The following CABCOCO1 variants were observed in gnomAD, a reference collection of about 807,000 sequenced individuals.
The protein encoded by CABCOCO1 is ciliary associated calcium binding coiled-coil 1.
Under a neutral mutation model 35.7 loss-of-function variants are expected in CABCOCO1, and 28 were observed. The ratio of observed to expected loss-of-function variants is 0.78; its 90% confidence interval spans 0.58 to 1.07. The LOEUF is 1.07. CABCOCO1 is among the 50% of genes least tolerant of loss of function. The pLI, the probability that CABCOCO1 is intolerant of heterozygous loss-of-function variation, is 0.00. For synonymous variants in CABCOCO1, 95 were observed against 100.1 expected, an observed-to-expected ratio of 0.95 and a Z score of 0.30; for missense variants, 326 against 309.2, an observed-to-expected ratio of 1.05 and a Z score of -0.41.
chr10:61,743,677 T>C (rs1296663903), intron 5 of CABCOCO1, among the ~76,000 whole-genome samples: 1 of 152,136 alleles, frequency 6.6e-6, no homozygotes, highest in Non-Finnish European at 1.5e-5. Context: ...ACACACATCT[T>C]TTGTTCTAGA....
intron 1 of CABCOCO1, among the ~76,000 whole-genome samples, chr10:61,663,626 TG>T (rs1183667721): frequency 1.3e-5 from 2 of 152,174 alleles, no homozygotes; most frequent in African/African-American, 2.4e-5. Context: ...TCTCTGGTTA[TG>T]GCTTTAGTTG....
At chr10:61,703,227 GACACACAC>G (rs35152499) in intron 5 of CABCOCO1, among the ~76,000 whole-genome samples, 113 of 141,576 alleles carry the variant, frequency 8.0e-4, no homozygotes, top group Middle Eastern at 3.5e-3. Context: ...CTTGTGAGGA[GACACACAC>G]ACACACACAC....
At chr10:61,676,785 G>A (rs1195324200) in intron 2 of CABCOCO1, among the ~76,000 whole-genome samples, 1 of 151,836 alleles carries the variant, frequency 6.6e-6, no homozygotes, top group African/African-American at 2.4e-5. Context: ...TTTTCAGCCG[G>A]GCGTGGTGGC....
chr10:61,706,481 G>T (rs867465434), intron 5 of CABCOCO1, among the ~76,000 whole-genome samples: 1 of 152,150 alleles, frequency 6.6e-6, no homozygotes, highest in African/African-American at 2.4e-5. Flanking sequence ...TTCACAAAAT[G>T]AATGCAGTCA....
At chr10:61,743,796 T>C (rs1841599773) in intron 5 of CABCOCO1, among the ~76,000 whole-genome samples, 1 of 152,156 alleles carries the variant, frequency 6.6e-6, no homozygotes, top group Non-Finnish European at 1.5e-5. Flanking sequence ...AACTCCTATT[T>C]CTCCTTTGAG....
At position 61,698,835 on chromosome 10, in the gene CABCOCO1, G is replaced by A. The variant is rs181126075; in HGVS notation, c.552+8214G>A. ...TGAATAAACAAAATATGAGACTTAC[G>A]TAAACATTCACCCTTTTAAGAAAAA... On this transcript the variant is annotated intron_variant, in intron 5 of 7. Transcript: ENST00000648843. 4.6e-5 allele frequency among the ~76,000 whole-genome samples: 7 copies of A among 151,850 alleles called. No individual in the cohort carries two copies. In the East Asian group the frequency reaches 7.7e-4, roughly 17 times the overall value.
chr10:61,738,354 G>A (rs1036848811), intron 5 of CABCOCO1, among the ~76,000 whole-genome samples: 2 of 152,144 alleles, frequency 1.3e-5, no homozygotes, highest in Admixed American at 6.6e-5. Context: ...GCTTGGTACT[G>A]TCTATTTCTG....
intron 5 of CABCOCO1, among the ~76,000 whole-genome samples, chr10:61,698,222 T>A (rs10994882): frequency 0.83 from 126,506 of 152,162 alleles, 53,099 homozygotes; most frequent in Middle Eastern, 0.95. Flanking sequence ...ACAAAATGTG[T>A]TAGATAGGTA....
intron 5 of CABCOCO1, among the ~76,000 whole-genome samples, chr10:61,699,078 A>G (rs1840370843): frequency 6.6e-6 from 1 of 152,148 alleles, no homozygotes; most frequent in African/African-American, 2.4e-5. Flanking sequence ...AAGATCATAC[A>G]GGCCATAATT....
intron 5 of CABCOCO1, among the ~76,000 whole-genome samples, chr10:61,703,862 C>T (rs1334283887): frequency 1.3e-5 from 2 of 152,266 alleles, no homozygotes; most frequent in Middle Eastern, 3.4e-3. Flanking sequence ...AAAGATGATA[C>T]ATAGGGCATC....
chr10:61,669,569 C>G (rs1383625426), intron 1 of CABCOCO1, among the ~76,000 whole-genome samples: 1 of 151,752 alleles, frequency 6.6e-6, no homozygotes, highest in Admixed American at 6.6e-5. Context: ...ACTGTATAAA[C>G]AAACAAAAAA....
chr10:61,697,258 G>A (rs1166740017), intron 5 of CABCOCO1, among the ~76,000 whole-genome samples: 1 of 151,946 alleles, frequency 6.6e-6, no homozygotes, highest in Admixed American at 6.6e-5. Context: ...AAATCAGAAG[G>A]GAAATACTTT....
intron 5 of CABCOCO1, among the ~76,000 whole-genome samples, chr10:61,697,475 AG>A (rs1434151452): frequency 6.6e-6 from 1 of 152,128 alleles, no homozygotes; most frequent in Non-Finnish European, 1.5e-5. Context: ...TATTTTTAAA[AG>A]TAAATAAACA....
intron 1 of CABCOCO1, among the ~76,000 whole-genome samples, chr10:61,669,628 A>G (rs1839298295): frequency 6.6e-6 from 1 of 152,108 alleles, no homozygotes; most frequent in Non-Finnish European, 1.5e-5. Flanking sequence ...AAACAGAAGA[A>G]AAAATCCAGA....
chr10:61,719,863 G>T lies in CABCOCO1; in HGVS notation c.552+29242G>T, dbSNP rs183705108. 2.8e-5 allele frequency among the ~76,000 whole-genome samples: 4 copies of T among 144,296 alleles called. No individual in the cohort carries two copies. In the East Asian group the frequency reaches 8.1e-4, roughly 29 times the overall value. The allele number at this position is 144,296 out of a possible 152,430, so 94.7% of individuals were successfully genotyped here. On this transcript the variant is annotated intron_variant, in intron 5 of 7. Coordinates refer to ENST00000648843, the MANE Select transcript of CABCOCO1 (RefSeq NM_001366906.2). ...TTGAACTCAGGAGTCAGAGGTTTCA[G>T]TGAGCTGAGATCACACCACTGCACT...
chr10:61,671,460 A>C (rs35142132), intron 1 of CABCOCO1, among the ~76,000 whole-genome samples: 6 of 152,132 alleles, frequency 3.9e-5, no homozygotes, highest in Non-Finnish European at 5.9e-5. Context: ...CTGTGTCAGC[A>C]TTAGGGAAAT....
chr10:61,729,558 T>A (rs1241822538), intron 5 of CABCOCO1, among the ~76,000 whole-genome samples: 1 of 151,986 alleles, frequency 6.6e-6, no homozygotes, highest in Admixed American at 6.6e-5. Flanking sequence ...AGTATGGAGG[T>A]TCCTCAGAAA....
chr10:61,703,723 T>TCA (rs151225441), intron 5 of CABCOCO1, among the ~76,000 whole-genome samples: 14,542 of 148,974 alleles, frequency 0.098, 853 homozygotes, highest in Middle Eastern at 0.18. Flanking sequence ...TCTCTCTCTC[T>TCA]CACACACACA....
intron 5 of CABCOCO1, among the ~76,000 whole-genome samples, chr10:61,712,594 A>C (rs1018409762): frequency 5.3e-5 from 8 of 152,160 alleles, no homozygotes; most frequent in African/African-American, 1.9e-4. Context: ...CTATGTCCTG[A>C]ATGGTACTGC....
Sources: gnomAD v4.1 joint callset for allele counts (sites outside exome capture counted in the v4.1 genomes callset) on GRCh38, gnomAD v4.1.1 for gene constraint, MANE v1.5 for transcripts, NCBI Gene and HGNC (gene_info 2026-07-23, HGNC 2026-07-21) for gene names.